Variants in ADA2 observed in about 807,000 individuals in gnomAD.
The protein encoded by ADA2 is adenosine deaminase 2, also known as adenosine deaminase CECR1.
In ADA2, 29 loss-of-function variants were observed where a neutral mutation model predicts 44.2. That is an observed-to-expected ratio of 0.66 (90% confidence interval 0.49 to 0.89). The LOEUF (loss-of-function observed/expected upper bound fraction) is 0.89. Among genes scored for constraint, ADA2 ranks in the 40% least tolerant of loss-of-function variants. ADA2 has a pLI of 0.00. For missense variants in ADA2, 637 were observed against 644.8 expected (o/e 0.99, Z 0.13); for synonymous variants, 215 against 234.9 (o/e 0.92, Z 0.77).
intron 4 of ADA2, among the ~76,000 whole-genome samples, chr22:17,197,217 C>G (rs1244090414): frequency 6.6e-6 from 1 of 152,030 alleles, no homozygotes. Flanking sequence ...TGGTTTGTAT[C>G]AGAACAGAAA....
At chr22:17,200,575 G>C (rs2062267258) in intron 4 of ADA2, among the ~76,000 whole-genome samples, 2 of 152,100 alleles carry the variant, frequency 1.3e-5, no homozygotes, top group African/African-American at 4.8e-5. Context: ...CAGCCTTGCC[G>C]CTAAACTCAC....
intron 5 of ADA2, 154 bp downstream of exon 5, chr22:17,191,529 G>T: frequency 1.2e-6 from 1 of 812,810 alleles, no homozygotes; most frequent in Non-Finnish European, 2.0e-6. Context: ...ACCTAGGACT[G>T]TGCTCTCACA....
At chr22:17,197,565 C>T (rs8141280) in intron 4 of ADA2, among the ~76,000 whole-genome samples, 8,333 of 152,278 alleles carry the variant, frequency 0.055, 357 homozygotes, top group African/African-American at 0.12. Flanking sequence ...GCCACTGCAC[C>T]TGGCCAGTAC....
Position 17,191,740 on chromosome 22 carries a change from T to G in ADA2, c.824A>C (p.Lys275Thr), listed in dbSNP as rs2062117552. ...AAACTCAGGGTGAGTTTCCACAAACTTCTGAGCTACTTCCTGGTAAGTCTT... is the reference window on the plus strand; with the variant it reads ...AAACTCAGGGTGAGTTTCCACAAACGTCTGAGCTACTTCCTGGTAAGTCTT... ...SVKTYQEVAQ[K>T]FVETHPEFIG... Residue 275 changes from lysine to threonine, a missense_variant, in exon 5 of 10, where the codon AAG becomes ACG. Transcript: ENST00000399837. 1 of 1,613,882 alleles carries G rather than the reference T, an allele frequency of 6.2e-7. No individual in the cohort carries two copies. Among genetic ancestry groups the G allele is most frequent in the African/African-American group, 1.3e-5 (1 of 75,052 alleles).
At chr22:17,182,551 G>A in intron 8 of ADA2, 53 bp downstream of exon 8, 3 of 1,573,462 alleles carry the variant, frequency 1.9e-6, no homozygotes, top group Non-Finnish European at 2.6e-6. Context: ...TAAGAGAGCA[G>A]AGGTTGTGGT....
intron 4 of ADA2, chr22:17,199,416 T>TCCTCCCTCCCCTCCTCTATCCTCATCC: frequency 4.7e-6 from 2 of 429,652 alleles, no homozygotes; most frequent in Non-Finnish European, 8.8e-6. Context: ...TCTCAGCGTC[T>TCCTCCCTCCCCTCCTCTATCCTCATCC]CCTCCCTCCC....
intron 7 of ADA2, among the ~76,000 whole-genome samples, chr22:17,187,819 A>G (rs1436804681): frequency 6.6e-6 from 1 of 152,064 alleles, no homozygotes; most frequent in African/African-American, 2.4e-5. Context: ...AATCAATTAG[A>G]AAAGGCCAGG....
intron 7 of ADA2, among the ~76,000 whole-genome samples, chr22:17,188,083 GA>G (rs1263052837): frequency 1.1e-4 from 9 of 85,290 alleles, no homozygotes; most frequent in African/African-American, 3.1e-4. Flanking sequence ...GTAAAAAAAA[GA>G]AAAAAAAAGA....
intron 4 of ADA2, among the ~76,000 whole-genome samples, chr22:17,201,350 C>A (rs190720780): frequency 6.6e-6 from 1 of 152,158 alleles, no homozygotes; most frequent in Non-Finnish European, 1.5e-5. Flanking sequence ...ATTGATCCTG[C>A]GGAGTCCTAT....
intron 1 of ADA2, among the ~76,000 whole-genome samples, chr22:17,211,944 A>AAATT (rs563709666): frequency 0.026 from 3,999 of 152,170 alleles, 70 homozygotes; most frequent in Non-Finnish European, 0.042. Context: ...GAGGAAAAAA[A>AAATT]AATTAATTAA....
chr22:17,185,949 G>A (rs7288243), intron 7 of ADA2, among the ~76,000 whole-genome samples: 1,866 of 152,292 alleles, frequency 0.012, 13 homozygotes, highest in Non-Finnish European at 0.02. Flanking sequence ...AATTGCAGCC[G>A]TGATCTTTCT....
chr22:17,206,219 G>A (rs1251236887), intron 3 of ADA2, among the ~76,000 whole-genome samples: 2 of 152,080 alleles, frequency 1.3e-5, no homozygotes, highest in African/African-American at 4.8e-5. Context: ...CACTTTGGGA[G>A]GCCAAGATGG....
chr22:17,204,032 C>G (rs2062324022), intron 3 of ADA2, among the ~76,000 whole-genome samples: 2 of 152,054 alleles, frequency 1.3e-5, no homozygotes, highest in South Asian at 4.1e-4. Context: ...GCTCACCAGT[C>G]AGTCTCTCCT....
chr22:17,216,482 TA>T (rs2062473106), intron 1 of ADA2, among the ~76,000 whole-genome samples: 1 of 151,988 alleles, frequency 6.6e-6, no homozygotes, highest in Non-Finnish European at 1.5e-5. Flanking sequence ...TCAGAGTAAC[TA>T]AGACCGGGCA....
chr22:17,208,838 A>ATTTTTTTTTTTTTTTTTTTT (rs796662081), intron 2 of ADA2, among the ~76,000 whole-genome samples: 2 of 142,912 alleles, frequency 1.4e-5, no homozygotes, highest in African/African-American at 5.3e-5. Context: ...AAAAATTAAC[A>ATTTTTTTTTTTTTTTTTTTT]TTTTTTGGGG....
intron 4 of ADA2, among the ~76,000 whole-genome samples, chr22:17,201,967 CTTTTTTTTTTTT>C: frequency 1.9e-5 from 2 of 103,112 alleles, no homozygotes; most frequent in South Asian, 6.8e-4. Context: ...TTTCTTTTTT[CTTTTTTTTTTTT>C]TTTTTTTTTT....
At chr22:17,217,349 G>T (rs1365794141) in intron 1 of ADA2, among the ~76,000 whole-genome samples, 1 of 152,220 alleles carries the variant, frequency 6.6e-6, no homozygotes, top group South Asian at 2.1e-4. Flanking sequence ...ATCATTCTGT[G>T]GCCACACCAA....
rs796662081 is a variant in ADA2, at chr22:17,208,838, A to ATTTTTTTTTTTTTTT, written c.322+517_322+518insAAAAAAAAAAAAAAA. ...TTTTTTAATAAAAAAAAAAATTAACATTTTTTGGGGAACAGGGTCTTGCTC... is the reference window on the plus strand; with the variant it reads ...TTTTTTAATAAAAAAAAAAATTAACATTTTTTTTTTTTTTTTTTTTTGGGGAACAGGGTCTTGCTC... On this transcript the variant is annotated intron_variant, in intron 2 of 9. Coordinates refer to ENST00000399837, the MANE Select transcript of ADA2 (RefSeq NM_001282225.2). Among the ~76,000 whole-genome samples the ATTTTTTTTTTTTTTT allele has an allele frequency of 7.6e-4, 109 of 142,940 alleles. 2 individuals are homozygous for ATTTTTTTTTTTTTTT. Among genetic ancestry groups the ATTTTTTTTTTTTTTT allele is most frequent in the African/African-American group, 1.2e-3 (46 of 37,870 alleles). 93.8% of individuals were successfully genotyped at this position (142,940 alleles called of 152,430 possible).
chr22:17,198,239 G>C (rs1366597546), intron 4 of ADA2, among the ~76,000 whole-genome samples: 1 of 152,150 alleles, frequency 6.6e-6, no homozygotes, highest in Non-Finnish European at 1.5e-5. Context: ...CTCAAGGAGA[G>C]GAAAAATGCC....
Sources: gnomAD v4.1 joint callset for allele counts (sites outside exome capture counted in the v4.1 genomes callset) on GRCh38, gnomAD v4.1.1 for gene constraint, MANE v1.5 for transcripts, NCBI Gene and HGNC (gene_info 2026-07-23, HGNC 2026-07-21) for gene names.